The following CCDC97 variants were observed in gnomAD, a reference collection of about 807,000 sequenced individuals.
CCDC97 encodes the protein coiled-coil domain containing 97, also known as coiled-coil domain-containing protein 97.
A neutral mutation model predicts 33.9 loss-of-function variants in CCDC97; 27 were observed. The ratio of observed to expected loss-of-function variants is 0.80; its 90% CI spans 0.59 to 1.10. CCDC97 has a LOEUF of 1.10. CCDC97 is among the 50% of genes least tolerant of loss of function. The probability of loss-of-function intolerance (pLI) is 0.00; values close to 1 mark genes in which losing one functional copy is unlikely to be tolerated. For synonymous variants in CCDC97, 217 were observed against 194.0 expected, an observed-to-expected ratio of 1.12 and a Z score of -0.99; for missense variants, 422 against 476.6, an observed-to-expected ratio of 0.89 and a Z score of 1.07.
intron 4 of CCDC97, 135 bp from the exon 5 acceptor site, chr19:41,322,460 A>C (rs2037833712): frequency 1.1e-6 from 1 of 887,234 alleles, no homozygotes. Flanking sequence ...AGTTTTAAAC[A>C]CTATCTCCCT....
intron 2 of CCDC97, 117 bp from the exon 3 acceptor site, chr19:41,319,457 A>T: frequency 1.3e-6 from 1 of 762,046 alleles, no homozygotes; most frequent in Non-Finnish European, 2.2e-6. Context: ...ATGTGTGCAT[A>T]CACACACTTG....
intron 1 of CCDC97, among the ~76,000 whole-genome samples, chr19:41,313,687 C>T (rs2037712673): frequency 1.3e-5 from 2 of 152,112 alleles, no homozygotes; most frequent in African/African-American, 4.8e-5. Flanking sequence ...TTGCCCAGCG[C>T]TCCGCTTTCC....
intron 1 of CCDC97, among the ~76,000 whole-genome samples, chr19:41,313,086 A>G (rs1321508685): frequency 1.4e-4 from 21 of 151,876 alleles, no homozygotes; most frequent in Non-Finnish European, 4.4e-5. Context: ...TTTTTTTAAG[A>G]TAACAGTAAT....
At chr19:41,312,605 A>G (rs2037699191) in intron 1 of CCDC97, among the ~76,000 whole-genome samples, 1 of 152,286 alleles carries the variant, frequency 6.6e-6, no homozygotes, top group East Asian at 1.9e-4. Flanking sequence ...ATTCTCTCAT[A>G]GTTCTCAAGG....
At chr19:41,320,616 C>A in intron 4 of CCDC97, 146 bp downstream of exon 4, 2 of 1,025,986 alleles carry the variant, frequency 1.9e-6, no homozygotes, top group African/African-American at 1.6e-5. Context: ...GTTGAACAGC[C>A]AAAGGAAGAG....
intron 2 of CCDC97, among the ~76,000 whole-genome samples, chr19:41,318,335 C>T (rs2037775364): frequency 6.6e-6 from 1 of 151,996 alleles, no homozygotes; most frequent in Non-Finnish European, 1.5e-5. Flanking sequence ...GCCTATAATC[C>T]CAGCTACTCA....
chr19:41,311,930 C>G (rs181893824), intron 1 of CCDC97, among the ~76,000 whole-genome samples: 4 of 152,278 alleles, frequency 2.6e-5, no homozygotes, highest in Admixed American at 2.0e-4. Context: ...TCTCTTGGCC[C>G]CATCTGTCTC....
At chr19:41,315,880 G>A (rs146776895) in intron 1 of CCDC97, among the ~76,000 whole-genome samples, 171 of 152,272 alleles carry the variant, frequency 1.1e-3, no homozygotes, top group African/African-American at 3.9e-3. Context: ...GATTGCTGGA[G>A]CCCTGGAGTT....
At position 41,310,235 on chromosome 19, in the gene CCDC97, A is replaced by G. The variant is rs1024065259; in HGVS notation, c.-76A>G. The stretch of plus-strand genomic sequence containing the variant: ...CGGACCCGGAACATTCTCAGGCGAA[A>G]GTGTCTCTTGCGTGCGTGGGCCGGA... On this transcript the variant is annotated 5_prime_UTR_variant, in exon 1 of 5. Transcript: ENST00000269967. The G allele has an allele frequency of 1.3e-6, 2 of 1,543,228 alleles. No homozygotes were observed. Among genetic ancestry groups the G allele is most frequent in the African/African-American group, 2.7e-5 (2 of 72,972 alleles).
chr19:41,311,635 A>G (rs2037686235), intron 1 of CCDC97, among the ~76,000 whole-genome samples: 1 of 152,034 alleles, frequency 6.6e-6, no homozygotes, highest in African/African-American at 2.4e-5. Flanking sequence ...CGGGAGGCTG[A>G]GGCACCAACT....
chr19:41,314,459 A>G (rs757415517), intron 1 of CCDC97, among the ~76,000 whole-genome samples: 22 of 152,206 alleles, frequency 1.4e-4, no homozygotes, highest in Non-Finnish European at 2.8e-4. Flanking sequence ...TAGAGTTATT[A>G]AAGAGTGGTT....
chr19:41,318,345 A>G (rs943678713), intron 2 of CCDC97, among the ~76,000 whole-genome samples: 1 of 152,064 alleles, frequency 6.6e-6, no homozygotes, highest in African/African-American at 2.4e-5. Flanking sequence ...CCAGCTACTC[A>G]GGAGGCTGAG....
Position 41,319,603 on chromosome 19 carries a change from C to A in CCDC97, c.532C>A (p.Arg178=). The A allele has an allele frequency of 6.2e-7, 1 of 1,609,774 alleles. No homozygotes were observed. The highest frequency in any genetic ancestry group is 8.5e-7 in the Non-Finnish European group (1 of 1,177,384). The change falls in exon 3 of 5, where the codon CGG becomes AGG. Residue 178 remains arginine (R), a synonymous_variant. Coordinates refer to ENST00000269967, the MANE Select transcript of CCDC97 (RefSeq NM_052848.3). The stretch of plus-strand genomic sequence containing the variant: ...CGAGTACTTCAGTGATGAGCAGATG[C>A]GGTTCCGGGCCCCCCTGCTATATGA... ...GGEYFSDEQM[R]FRAPLLYEQY...
In CCDC97 at chr19:41,310,222, A is replaced by AT; in HGVS notation, c.-87dup. 6.5e-7 allele frequency: 1 copy of AT among 1,532,320 alleles called. No individual in the cohort carries two copies. The highest frequency in any genetic ancestry group is 8.8e-7 in the Non-Finnish European group (1 of 1,130,690). 94.9% of individuals were successfully genotyped at this position (1,532,320 alleles called of 1,614,324 possible). A position where few individuals can be genotyped will look rare whatever the true frequency, so the allele number is the denominator to read the frequency against. On this transcript the variant is annotated 5_prime_UTR_variant, in exon 1 of 5. Transcript: ENST00000269967. Reference sequence around the variant, plus strand: ...GCAGCGGTGCACCCGGACCCGGAACATTCTCAGGCGAAAGTGTCTCTTGCG... The same window carrying AT: ...GCAGCGGTGCACCCGGACCCGGAACATTTCTCAGGCGAAAGTGTCTCTTGCG...
intron 2 of CCDC97, 38 bp downstream of exon 2, chr19:41,316,877 G>A (rs1599874060): frequency 6.9e-7 from 1 of 1,449,388 alleles, no homozygotes. Flanking sequence ...GCACATATGG[G>A]GAGGGAGGGG....
intron 1 of CCDC97, chr19:41,310,669 G>C: frequency 7.7e-7 from 1 of 1,296,598 alleles, no homozygotes; most frequent in South Asian, 1.9e-5. Flanking sequence ...CCTAATTCCT[G>C]CATTGCCTCA....
At chr19:41,315,295 TCA>T (rs1491217016) in intron 1 of CCDC97, among the ~76,000 whole-genome samples, 7 of 43,952 alleles carry the variant, frequency 1.6e-4, no homozygotes, top group African/African-American at 2.3e-4. Context: ...AGACTCCGTC[TCA>T]AAAAAAAAAA....
At chr19:41,314,563 C>G (rs1299320239) in intron 1 of CCDC97, among the ~76,000 whole-genome samples, 1 of 152,258 alleles carries the variant, frequency 6.6e-6, no homozygotes, top group African/African-American at 2.4e-5. Flanking sequence ...ATCAATAAGT[C>G]AGGCCTCAGG....
intron 2 of CCDC97, among the ~76,000 whole-genome samples, chr19:41,318,718 G>A (rs2037779487): frequency 6.6e-6 from 1 of 152,184 alleles, no homozygotes; most frequent in Admixed American, 6.5e-5. Flanking sequence ...GGGAACTCAA[G>A]TTTTGGGGTA....
Sources: gnomAD v4.1 joint callset for allele counts (sites outside exome capture counted in the v4.1 genomes callset) on GRCh38, gnomAD v4.1.1 for gene constraint, MANE v1.5 for transcripts, NCBI Gene and HGNC (gene_info 2026-07-23, HGNC 2026-07-21) for gene names.